SUCLA2: variants seen among roughly 807,000 people sequenced by gnomAD.
SUCLA2 encodes the protein succinate--CoA ligase [ADP-forming] subunit beta, mitochondrial.
SUCLA2 carries 30 observed loss-of-function variants against 54.8 expected under a neutral mutation model. That is an observed-to-expected ratio of 0.55 (90% CI 0.41 to 0.74). The LOEUF (loss-of-function observed/expected upper bound fraction) is 0.74. SUCLA2 is among the 30% of genes least tolerant of loss of function. The pLI, the probability that SUCLA2 is intolerant of heterozygous loss-of-function variation, is 0.00. For missense variants in SUCLA2, 476 were observed against 562.9 expected, an observed-to-expected ratio of 0.85 and a Z score of 1.56; for synonymous variants, 172 against 188.9, an observed-to-expected ratio of 0.91 and a Z score of 0.74.
In SUCLA2 at chr13:47,958,559, T is replaced by C. The variant is rs775314468; in HGVS notation, c.803-4002A>G. Among the ~76,000 whole-genome samples, 12 of 152,244 alleles carry C rather than the reference T, an allele frequency of 7.9e-5. 1 individual carries two copies. The highest frequency in any genetic ancestry group is 1.0e-4 in the Non-Finnish European group (7 of 68,042). On this transcript the variant is annotated intron_variant, in intron 6 of 10. Coordinates refer to ENST00000646932, the MANE Select transcript of SUCLA2 (RefSeq NM_003850.3). ...AATGAAAATAGCAACGTCCTCAGAA[T>C]TGTCAGCATACATTTTTGCCTGGAT... is the stretch of plus-strand genomic sequence containing the variant.
intron 6 of SUCLA2, among the ~76,000 whole-genome samples, chr13:47,964,706 A>C (rs1481464178): frequency 1.3e-5 from 2 of 152,022 alleles, no homozygotes; most frequent in Non-Finnish European, 2.9e-5. Flanking sequence ...AAATACAAAA[A>C]ATTAGCCGGG....
intron 10 of SUCLA2, among the ~76,000 whole-genome samples, chr13:47,943,766 G>GTGTGTGTATATATATATATA (rs1300486540): frequency 9.3e-5 from 13 of 139,662 alleles, no homozygotes; most frequent in African/African-American, 3.2e-4. Context: ...GTGTGTGTGT[G>GTGTGTGTATATATATATATA]TATATATATA....
In SUCLA2 at chr13:48,001,184, G is replaced by A; in HGVS notation, c.86C>T (p.Ala29Val). Residue 29 changes from alanine to valine, a missense_variant, in exon 1 of 11, where the codon GCT (alanine) becomes GTT (valine). Transcript: ENST00000646932. ...CAGCGGACTGGAAGGCATTACCTGAGCAGCAGCCCGCTGGGCCGTCCGAGG... is the reference window on the plus strand; with the variant it reads ...CAGCGGACTGGAAGGCATTACCTGAACAGCAGCCCGCTGGGCCGTCCGAGG... ...HRPRTAQRAAAQVLGSSGLFN... is the reference protein window; with the variant it reads ...HRPRTAQRAAVQVLGSSGLFN... 6.2e-7 allele frequency: 1 copy of A among 1,609,090 alleles called. No homozygotes were observed. The highest frequency in any genetic ancestry group is 8.5e-7 in the Non-Finnish European group (1 of 1,178,364).
intron 2 of SUCLA2, among the ~76,000 whole-genome samples, chr13:47,994,473 CAGG>C (rs1400733177): frequency 6.8e-6 from 1 of 147,032 alleles, no homozygotes; most frequent in Non-Finnish European, 1.5e-5. Context: ...GAGGCTGAGG[CAGG>C]AGAATTGCTT....
chr13:47,954,027 A>T, intron 8 of SUCLA2, 113 bp downstream of exon 8: 1 of 1,000,146 alleles, frequency 1.0e-6, no homozygotes, highest in Non-Finnish European at 1.3e-6. Flanking sequence ...CAAAATATAT[A>T]TTAAAAGACA....
chr13:47,945,661 CACACACACACACACACACACACACAA>C (rs1417816418), intron 10 of SUCLA2: 10 of 94,124 alleles, frequency 1.1e-4, no homozygotes, highest in Non-Finnish European at 2.8e-4. Context: ...CACACACACA[CACACACACACACACACACACACACAA>C]AGTCCCCCCC....
intron 4 of SUCLA2, among the ~76,000 whole-genome samples, chr13:47,983,896 G>C (rs2137736388): frequency 6.6e-6 from 1 of 151,828 alleles, no homozygotes; most frequent in East Asian, 1.9e-4. Context: ...TCTCACTAAA[G>C]TAAAAATTAA....
At chr13:47,985,290 G>A (rs1392576186) in intron 4 of SUCLA2, among the ~76,000 whole-genome samples, 1 of 151,978 alleles carries the variant, frequency 6.6e-6, no homozygotes, top group Non-Finnish European at 1.5e-5. Flanking sequence ...TGTTACATAG[G>A]TAAACATGTG....
chr13:47,963,148 T>C (rs1949885988), intron 6 of SUCLA2, among the ~76,000 whole-genome samples: 1 of 152,210 alleles, frequency 6.6e-6, no homozygotes, highest in African/African-American at 2.4e-5. Context: ...TTCTCAGTGA[T>C]TGGCTGTCTG....
intron 4 of SUCLA2, among the ~76,000 whole-genome samples, chr13:47,977,786 A>C (rs1333579740): frequency 6.6e-6 from 1 of 152,184 alleles, no homozygotes; most frequent in Non-Finnish European, 1.5e-5. Flanking sequence ...AAGGCCATAT[A>C]AGAAAACTCA....
At position 47,988,565 on chromosome 13, in the gene SUCLA2, T is replaced by C. The variant is rs35568795; in HGVS notation, c.510A>G (p.Ala170=). ...RKYPRREYYF[A]ITMERSFQGP... ...CTTGAAATGACCTTTCCATTGTTAT[T>C]GCAAAGTAGTATTCTCTCCTGGGAT... is the stretch of plus-strand genomic sequence containing the variant. Residue 170 remains alanine (A), a synonymous_variant, in exon 4 of 11, where the codon GCA becomes GCG. Coordinates refer to ENST00000646932, the MANE Select transcript of SUCLA2 (RefSeq NM_003850.3). The C allele has an allele frequency of 2.3e-3, 3,650 of 1,613,928 alleles. 74 individuals are homozygous for C. The African/African-American group carries it at 0.043, about 19-fold the overall frequency.
intron 1 of SUCLA2, among the ~76,000 whole-genome samples, chr13:48,000,167 G>T (rs987736060): frequency 6.6e-6 from 1 of 151,412 alleles, no homozygotes. Flanking sequence ...GGGGCGGGAG[G>T]GCCCTAAATC....
intron 1 of SUCLA2, 130 bp downstream of exon 1, chr13:48,001,050 C>T: frequency 6.6e-7 from 1 of 1,508,650 alleles, no homozygotes; most frequent in East Asian, 2.5e-5. Flanking sequence ...GCAAGTCGCC[C>T]GAGGGCCTTG....
At chr13:47,988,329 T>C in intron 4 of SUCLA2, 2 of 555,434 alleles carry the variant, frequency 3.6e-6, no homozygotes, top group South Asian at 3.0e-5. Flanking sequence ...GCAGAATTTT[T>C]CCTATAATTT....
chr13:47,968,212 G>A (rs1949934811), intron 6 of SUCLA2, among the ~76,000 whole-genome samples: 1 of 152,064 alleles, frequency 6.6e-6, no homozygotes, highest in Non-Finnish European at 1.5e-5. Context: ...CTTTTAATAT[G>A]GTAACCACAT....
intron 2 of SUCLA2, among the ~76,000 whole-genome samples, chr13:47,992,955 C>T (rs1950160905): frequency 1.3e-5 from 2 of 152,278 alleles, no homozygotes; most frequent in East Asian, 1.9e-4. Flanking sequence ...TGTGCCCAGG[C>T]GCAGTGGCTC....
intron 10 of SUCLA2, among the ~76,000 whole-genome samples, chr13:47,946,580 G>GT (rs750584966): frequency 0.18 from 24,744 of 137,842 alleles, 2,383 homozygotes; most frequent in South Asian, 0.27. Flanking sequence ...AAAAGGTTGT[G>GT]TTTTTTTTTT....
chr13:47,999,861 A>G (rs867945842), intron 1 of SUCLA2, among the ~76,000 whole-genome samples: 4 of 152,182 alleles, frequency 2.6e-5, no homozygotes, highest in East Asian at 1.9e-4. Flanking sequence ...ATTTCTTAAT[A>G]CCAGGGTAGA....
Position 47,989,848 on chromosome 13 carries a change from A to G in SUCLA2, c.272-867T>C, listed in dbSNP as rs575241675. On this transcript the variant is annotated intron_variant, in intron 2 of 10. Transcript: ENST00000646932. ...TGAGCAGTACTGCATGAGTAGTACTATCAGGAGTTATTAAGGTATCTGTAT... is the reference window on the plus strand; with the variant it reads ...TGAGCAGTACTGCATGAGTAGTACTGTCAGGAGTTATTAAGGTATCTGTAT... Among the ~76,000 whole-genome samples the G allele has an allele frequency of 2.0e-5, 3 of 152,380 alleles. No individual in the cohort carries two copies. The East Asian group carries it at 5.8e-4, about 29-fold the overall frequency.
Sources: allele counts gnomAD v4.1 joint callset (sites outside exome capture counted in the v4.1 genomes callset), GRCh38; gene constraint gnomAD v4.1.1; transcripts MANE v1.5; gene names NCBI Gene and HGNC (gene_info 2026-07-23, HGNC 2026-07-21).